The following CALB1 variants were observed in gnomAD, a reference collection of about 807,000 sequenced individuals.
CALB1 encodes calbindin 1.
In CALB1, 16 loss-of-function variants were observed where a neutral mutation model predicts 46.7. That is an observed-to-expected ratio of 0.34 (90% CI 0.23 to 0.52). The LOEUF (loss-of-function observed/expected upper bound fraction) is 0.52, where lower values mean the gene tolerates loss of function less well. Ranked by LOEUF, CALB1 falls within the 20% of genes least tolerant of loss-of-function variation. The pLI, the probability that CALB1 is intolerant of heterozygous loss-of-function variation, is 0.95. For synonymous variants in CALB1, 90 were observed against 112.8 expected, an observed-to-expected ratio of 0.80 and a Z score of 1.28; for missense variants, 224 against 300.3, an observed-to-expected ratio of 0.75 and a Z score of 1.88.
intron 5 of CALB1, among the ~76,000 whole-genome samples, chr8:90,066,532 C>A (rs1230640673): frequency 2.6e-5 from 4 of 151,934 alleles, no homozygotes; most frequent in Non-Finnish European, 4.4e-5. Context: ...CTAATGCAGT[C>A]CAAAGCACTT....
Position 90,060,658 on chromosome 8 carries a change from G to C in CALB1, c.643C>G (p.Leu215Val). ...TTATTCTTCTCGCACAGATCCTTCA[G>C]TAAAGCATCCAGTTCATTTTCATCT... is the stretch of plus-strand genomic sequence containing the variant. Reference protein sequence around the residue: ...YIDENELDALLKDLCEKNKQD... With the variant: ...YIDENELDALVKDLCEKNKQD... Residue 215 changes from leucine (L) to valine (V), a missense_variant, in exon 10 of 11, where the codon CTG (leucine) becomes GTG (valine). Coordinates refer to ENST00000265431, the MANE Select transcript of CALB1 (RefSeq NM_004929.4). The C allele has an allele frequency of 1.9e-6, 3 of 1,613,832 alleles. No homozygotes were observed. Among genetic ancestry groups the C allele is most frequent in the Non-Finnish European group, 2.5e-6 (3 of 1,179,756 alleles).
In CALB1 at chr8:90,059,844, G is replaced by A. The variant is rs773333166; in HGVS notation, c.*329C>T. ...GACAAATGTGCATTTGCAAATCAGAGACTAGAATTTTAGAGATTAATCCTG... is the reference window on the plus strand; with the variant it reads ...GACAAATGTGCATTTGCAAATCAGAAACTAGAATTTTAGAGATTAATCCTG... On this transcript the variant is annotated 3_prime_UTR_variant, in exon 11 of 11. Transcript: ENST00000265431. The A allele has an allele frequency of 1.8e-5, 4 of 227,600 alleles. No individual in the cohort carries two copies. Among genetic ancestry groups the A allele is most frequent in the Non-Finnish European group, 3.4e-5 (4 of 116,436 alleles). 14.1% of individuals were successfully genotyped at this position (227,600 alleles called of 1,614,324 possible). A position where few individuals can be genotyped will look rare whatever the true frequency, so the allele number is the denominator to read the frequency against.
At chr8:90,066,093 T>C in intron 5 of CALB1, 118 bp from the exon 6 acceptor site, 2 of 689,634 alleles carry the variant, frequency 2.9e-6, no homozygotes, top group Middle Eastern at 3.8e-4. Context: ...TTTTGAGGGG[T>C]AGAAGCAGGT....
chr8:90,072,252 T>A (rs1396408162), intron 3 of CALB1, among the ~76,000 whole-genome samples: 1 of 152,212 alleles, frequency 6.6e-6, no homozygotes, highest in Non-Finnish European at 1.5e-5. Flanking sequence ...TGTTTCAACA[T>A]AAAAGTTCAT....
At chr8:90,082,338 G>T (rs1022519148) in intron 1 of CALB1, 8 of 601,010 alleles carry the variant, frequency 1.3e-5, no homozygotes, top group Non-Finnish European at 2.4e-5. Flanking sequence ...AGAAACTTTG[G>T]GGGGGCAGCA....
chr8:90,063,311 T>C lies in CALB1; in HGVS notation c.516A>G (p.Pro172=), dbSNP rs1271502267. 1.3e-6 allele frequency: 2 copies of C among 1,592,832 alleles called. No individual in the cohort carries two copies. Among genetic ancestry groups the C allele is most frequent in the African/African-American group, 2.7e-5 (2 of 74,314 alleles). Residue 172 remains proline (P), a synonymous_variant, in exon 8 of 11, where the codon CCA becomes CCG. Transcript: ENST00000265431. ...LELTEMARLL[P]VQENFLLKFQ... ...ATTTAAGAAGAAAATTCTCCTGCAC[T>C]GGTAGTAACCTTTTGAGAGAAAAAC...
rs562220944 is a variant in CALB1 at position 90,064,192 on chromosome 8, G to A, written c.451-731C>T. On this transcript the variant is annotated intron_variant, in intron 6 of 10. Transcript: ENST00000265431. ...TATTTTTGTTTTTAAAGAACAGAAT[G>A]TGTCCAGTGTTATAATGGATATAGA... 5 of 151,842 alleles carry A rather than the reference G, an allele frequency of 3.3e-5. No individual in the cohort carries two copies. In the East Asian group the frequency reaches 9.7e-4, roughly 29 times the overall value. 9.4% of individuals were successfully genotyped at this position (151,842 alleles called of 1,614,324 possible).
chr8:90,060,330 A>C (rs576734064), intron 10 of CALB1, 44 bp from the exon 11 acceptor site: 2 of 1,167,252 alleles, frequency 1.7e-6, no homozygotes, highest in Non-Finnish European at 2.6e-6. Flanking sequence ...TAAATATGGA[A>C]GTTAATTAAC....
chr8:90,073,143 A>G (rs1814564260), intron 3 of CALB1, among the ~76,000 whole-genome samples: 1 of 152,180 alleles, frequency 6.6e-6, no homozygotes, highest in Admixed American at 6.5e-5. Context: ...TATAAAGGTA[A>G]TTAACTATTT....
Position 90,073,010 on chromosome 8 carries a change from C to A in CALB1, c.232-3773G>T, listed in dbSNP as rs571551102. Among the ~76,000 whole-genome samples the A allele has an allele frequency of 2.6e-4, 39 of 152,112 alleles. No homozygotes were observed. The East Asian group carries it at 5.2e-3, about 20-fold the overall frequency. The stretch of plus-strand genomic sequence containing the variant: ...CAAGAGTAGGAAAAAAAACCAACAA[C>A]TTCCTACTTGCTTGTCTCCCCTACT... On this transcript the variant is annotated intron_variant, in intron 3 of 10. Transcript: ENST00000265431.
chr8:90,078,861 T>C (rs1688938134), intron 2 of CALB1, among the ~76,000 whole-genome samples: 1 of 152,040 alleles, frequency 6.6e-6, no homozygotes, highest in South Asian at 2.1e-4. Flanking sequence ...CATTCTAACA[T>C]AATGTTTTAT....
At chr8:90,066,768 GT>G (rs1814407156) in intron 5 of CALB1, among the ~76,000 whole-genome samples, 1 of 152,074 alleles carries the variant, frequency 6.6e-6, no homozygotes, top group Admixed American at 6.6e-5. Flanking sequence ...AAGTGACAGT[GT>G]AAGCACTTTA....
intron 6 of CALB1, among the ~76,000 whole-genome samples, chr8:90,064,756 T>C (rs1814360567): frequency 6.6e-6 from 1 of 151,842 alleles, no homozygotes; most frequent in African/African-American, 2.4e-5. Context: ...TAAGTGGAGA[T>C]GTAATGAGGA....
At chr8:90,075,236 ATTACATTTTCTAATC>A (rs1814604346) in intron 3 of CALB1, among the ~76,000 whole-genome samples, 1 of 152,208 alleles carries the variant, frequency 6.6e-6, no homozygotes, top group South Asian at 2.1e-4. Context: ...AAAGTTAACC[ATTACATTTTCTAATC>A]TTTTTGAATG....
intron 3 of CALB1, among the ~76,000 whole-genome samples, chr8:90,071,637 A>C (rs1814519381): frequency 6.6e-6 from 1 of 152,214 alleles, no homozygotes; most frequent in Admixed American, 6.5e-5. Flanking sequence ...AGACAATAAA[A>C]CACATCAAAG....
intron 10 of CALB1, 84 bp downstream of exon 10, chr8:90,060,545 G>T (rs1814276615): frequency 2.8e-6 from 3 of 1,089,944 alleles, no homozygotes; most frequent in Non-Finnish European, 4.2e-6. Flanking sequence ...TGTTAAAGTA[G>T]ATTTCCAAAA....
chr8:90,066,209 C>A (rs571375065), intron 5 of CALB1, among the ~76,000 whole-genome samples: 1 of 152,082 alleles, frequency 6.6e-6, no homozygotes, highest in South Asian at 2.1e-4. Flanking sequence ...TTTACTGAGA[C>A]TTGATTGATC....
chr8:90,062,819 C>T, intron 9 of CALB1: 1 of 291,088 alleles, frequency 3.4e-6, no homozygotes, highest in South Asian at 5.8e-5. Context: ...AATCTCAGCA[C>T]AAGACAAATT....
chr8:90,071,965 T>C (rs1814528786), intron 3 of CALB1, among the ~76,000 whole-genome samples: 1 of 152,206 alleles, frequency 6.6e-6, no homozygotes, highest in African/African-American at 2.4e-5. Context: ...TCTAGCATGT[T>C]ATATGCCTGA....
Sources: gnomAD v4.1 joint callset for allele counts (sites outside exome capture counted in the v4.1 genomes callset) on GRCh38, gnomAD v4.1.1 for gene constraint, MANE v1.5 for transcripts, NCBI Gene and HGNC (gene_info 2026-07-23, HGNC 2026-07-21) for gene names.